The following LNX1 variants were observed in gnomAD, a reference collection of about 807,000 sequenced individuals.
LNX1 encodes the protein E3 ubiquitin-protein ligase LNX.
In LNX1, 54 loss-of-function variants were observed where a neutral mutation model predicts 68.4. That is an observed-to-expected ratio of 0.79 (90% CI 0.63 to 0.99). LNX1 has a LOEUF of 0.99. Among genes scored for constraint, LNX1 ranks in the 50% least tolerant of loss-of-function variants. The probability of loss-of-function intolerance (pLI) is 0.00; values close to 1 mark genes in which losing one functional copy is unlikely to be tolerated. For synonymous variants in LNX1, 336 were observed against 350.0 expected (o/e 0.96, Z 0.45); for missense variants, 906 against 926.4 (o/e 0.98, Z 0.29).
intron 2 of LNX1, among the ~76,000 whole-genome samples, chr4:53,528,819 G>A (rs1273519196): frequency 2.0e-5 from 3 of 152,086 alleles, no homozygotes; most frequent in Non-Finnish European, 4.4e-5. Context: ...AGAAGCATGT[G>A]ATCAAACCTA....
chr4:53,469,652 AG>A (rs1579357704), intron 9 of LNX1, among the ~76,000 whole-genome samples: 1 of 152,262 alleles, frequency 6.6e-6, no homozygotes, highest in African/African-American at 2.4e-5. Context: ...AAAATGACAA[AG>A]GGGATATCAC....
At chr4:53,542,705 G>A (rs1728843896) in intron 2 of LNX1, among the ~76,000 whole-genome samples, 1 of 152,132 alleles carries the variant, frequency 6.6e-6, no homozygotes, top group South Asian at 2.1e-4. Flanking sequence ...ACACAATTTC[G>A]GAATGAGAAA....
At chr4:53,585,365 A>T (rs757846207) in intron 1 of LNX1, among the ~76,000 whole-genome samples, 11 of 152,152 alleles carry the variant, frequency 7.2e-5, no homozygotes. Context: ...TTCAGCCTCC[A>T]AGTGGACAAG....
intron 2 of LNX1, among the ~76,000 whole-genome samples, chr4:53,597,498 C>T (rs62325481): frequency 0.055 from 8,373 of 152,228 alleles, 289 homozygotes; most frequent in Middle Eastern, 0.1. Context: ...ACATTCTGGC[C>T]ATGTTCCACC....
At chr4:53,596,145 G>A (rs1417576890), upstream of LNX1, among the ~76,000 whole-genome samples, 2 of 152,184 alleles carry the variant, frequency 1.3e-5, no homozygotes, top group African/African-American at 4.8e-5. Context: ...TCTCAGAAGG[G>A]CAATTATGGG....
intron 2 of LNX1, among the ~76,000 whole-genome samples, chr4:53,567,694 G>C (rs897502393): frequency 6.6e-6 from 1 of 152,020 alleles, no homozygotes; most frequent in Non-Finnish European, 1.5e-5. Context: ...TCAAAAAATT[G>C]ATGAATCCAG....
At chr4:53,634,685 C>A (rs993936889) in intron 1 of LNX1, among the ~76,000 whole-genome samples, 1 of 152,088 alleles carries the variant, frequency 6.6e-6, no homozygotes, top group Non-Finnish European at 1.5e-5. Flanking sequence ...GGGCACATGA[C>A]CCAGCCTCAC....
chr4:53,642,243 AAAG>A (rs1291678132), intron 1 of LNX1, among the ~76,000 whole-genome samples: 6 of 151,792 alleles, frequency 4.0e-5, no homozygotes, highest in African/African-American at 1.5e-4. Flanking sequence ...AAAAAAAAAA[AAAG>A]GTCAAAGCAG....
At chr4:53,575,298 A>T (rs573321991) in intron 1 of LNX1, among the ~76,000 whole-genome samples, 1 of 152,288 alleles carries the variant, frequency 6.6e-6, no homozygotes, top group South Asian at 2.1e-4. Context: ...TTTCTTTTAA[A>T]CAGTAGAATA....
intron 1 of LNX1, among the ~76,000 whole-genome samples, chr4:53,651,778 T>A (rs549929793): frequency 6.6e-6 from 1 of 152,324 alleles, no homozygotes; most frequent in East Asian, 1.9e-4. Context: ...GAATGTGTTT[T>A]AAATGACGAT....
chr4:53,596,974 A>G (rs2109829688), intron 2 of LNX1, among the ~76,000 whole-genome samples: 1 of 152,206 alleles, frequency 6.6e-6, no homozygotes, highest in East Asian at 1.9e-4. Context: ...TTCTTTCTGG[A>G]TGGACTGTAC....
intron 6 of LNX1, among the ~76,000 whole-genome samples, chr4:53,486,705 T>A (rs1724321975): frequency 6.6e-6 from 1 of 152,168 alleles, no homozygotes. Context: ...AAAAAGAGGG[T>A]TAAAACTAAG....
chr4:53,524,623 GAACC>G (rs1174831116), intron 2 of LNX1, among the ~76,000 whole-genome samples: 1 of 152,184 alleles, frequency 6.6e-6, no homozygotes, highest in Non-Finnish European at 1.5e-5. Flanking sequence ...GCTCTTTCTA[GAACC>G]ACTCAATATT....
At chr4:53,590,670 T>G (rs1452798872) in intron 1 of LNX1, among the ~76,000 whole-genome samples, 1 of 152,180 alleles carries the variant, frequency 6.6e-6, no homozygotes, top group Non-Finnish European at 1.5e-5. Context: ...AAATTAAAAA[T>G]CAGACCTGAA....
chr4:53,599,085 T>C (rs1021567380), intron 2 of LNX1, among the ~76,000 whole-genome samples: 2 of 152,212 alleles, frequency 1.3e-5, no homozygotes, highest in Non-Finnish European at 2.9e-5. Context: ...TTTCCTGAGT[T>C]TGCAGAGCTA....
intron 2 of LNX1, among the ~76,000 whole-genome samples, chr4:53,567,194 T>G (rs1292471255): frequency 2.0e-4 from 28 of 140,326 alleles, no homozygotes; most frequent in African/African-American, 7.1e-4. Flanking sequence ...GAATATACAT[T>G]TTTTTCAGCA....
At chr4:53,560,713 A>G (rs1452243103) in intron 2 of LNX1, among the ~76,000 whole-genome samples, 2 of 152,230 alleles carry the variant, frequency 1.3e-5, no homozygotes, top group East Asian at 3.9e-4. Context: ...AAACTTGAGG[A>G]TGAAAACTGA....
chr4:53,651,132 T>G (rs915229568), intron 1 of LNX1, among the ~76,000 whole-genome samples: 2 of 152,208 alleles, frequency 1.3e-5, no homozygotes, highest in African/African-American at 4.8e-5. Flanking sequence ...CCTCAGGCTA[T>G]GCTCCTCTCC....
intron 2 of LNX1, among the ~76,000 whole-genome samples, chr4:53,609,336 C>T (rs574344086): frequency 1.5e-3 from 228 of 151,520 alleles, no homozygotes; most frequent in Non-Finnish European, 2.2e-3. Context: ...TAAAATATAT[C>T]ACTTTAAAAA....
Sources: gnomAD v4.1 joint callset for allele counts (sites outside exome capture counted in the v4.1 genomes callset) on GRCh38, gnomAD v4.1.1 for gene constraint, MANE v1.5 for transcripts, NCBI Gene and HGNC (gene_info 2026-07-23, HGNC 2026-07-21) for gene names.